The following KCNQ5 variants were observed in gnomAD, a reference collection of about 807,000 sequenced individuals.
The protein encoded by KCNQ5 is potassium voltage-gated channel subfamily Q member 5.
Under a neutral mutation model 98.2 loss-of-function variants are expected in KCNQ5, and 30 were observed. The ratio of observed to expected loss-of-function variants is 0.31; its 90% CI spans 0.23 to 0.41. KCNQ5 has a LOEUF of 0.41. Ranked by LOEUF, KCNQ5 falls within the 10% of genes least tolerant of loss-of-function variation. The pLI, the probability that KCNQ5 is intolerant of heterozygous loss-of-function variation, is 1.00. For synonymous variants in KCNQ5, 458 were observed against 449.4 expected, an observed-to-expected ratio of 1.02 and a Z score of -0.24; for missense variants, 835 against 1,182.5, an observed-to-expected ratio of 0.71 and a Z score of 4.31.
intron 1 of KCNQ5, among the ~76,000 whole-genome samples, chr6:72,782,681 T>G (rs1274328068): frequency 6.6e-6 from 1 of 152,146 alleles, no homozygotes; most frequent in Non-Finnish European, 1.5e-5. Flanking sequence ...CCATTTTATT[T>G]TATCATAACA....
chr6:73,192,467 A>G lies in KCNQ5; in HGVS notation c.1710-98A>G, dbSNP rs1765624940. On this transcript the variant is annotated intron_variant, in intron 12 of 13. Coordinates refer to ENST00000370398, the MANE Select transcript of KCNQ5 (RefSeq NM_019842.4). ...TTATTTCATCTTACATAAATTGAAG[A>G]TAACTGTATTTAATTTTTTTTTCCA... 5 of 1,036,546 alleles carry G rather than the reference A, an allele frequency of 4.8e-6. No individual in the cohort carries two copies. The East Asian group carries it at 1.4e-4, about 29-fold the overall frequency. The allele number at this position is 1,036,546 out of a possible 1,614,324, so 64.2% of individuals were successfully genotyped here.
At position 72,683,670 on chromosome 6, in the gene KCNQ5, A is replaced by T. The variant is rs80292900; in HGVS notation, c.398+61083A>T. 2.6e-5 allele frequency among the ~76,000 whole-genome samples: 4 copies of T among 151,522 alleles called. No homozygotes were observed. The East Asian group carries it at 7.8e-4, about 30-fold the overall frequency. ...GCGTGAGCTACTGCGCCTGGCCCAC[A>T]TATACTTTTTCTCTTGCCCAGCTGG... On this transcript the variant is annotated intron_variant, in intron 1 of 13. Transcript: ENST00000370398.
intron 10 of KCNQ5, chr6:73,134,003 C>T (rs1382559895): frequency 2.1e-6 from 1 of 478,776 alleles, no homozygotes. Context: ...GACCCAGGGA[C>T]AACCAGGTGC....
intron 1 of KCNQ5, among the ~76,000 whole-genome samples, chr6:72,956,067 A>G (rs1196783617): frequency 2.0e-5 from 3 of 152,254 alleles, no homozygotes; most frequent in Non-Finnish European, 2.9e-5. Context: ...CTAAAAGGTA[A>G]GAAAAGGGAA....
chr6:72,911,897 A>G (rs12197188), intron 1 of KCNQ5, among the ~76,000 whole-genome samples: 15,784 of 152,150 alleles, frequency 0.1, 1,122 homozygotes, highest in Non-Finnish European at 0.16. Flanking sequence ...CTAAAGTTGC[A>G]TTACCTCTGA....
At chr6:73,069,429 T>C (rs1427000360) in intron 3 of KCNQ5, among the ~76,000 whole-genome samples, 2 of 152,144 alleles carry the variant, frequency 1.3e-5, no homozygotes, top group Non-Finnish European at 2.9e-5. Flanking sequence ...ATTTCTTTCC[T>C]AATTACTACA....
intron 1 of KCNQ5, among the ~76,000 whole-genome samples, chr6:72,713,251 C>T (rs1769463440): frequency 6.6e-6 from 1 of 152,304 alleles, no homozygotes; most frequent in South Asian, 2.1e-4. Flanking sequence ...GCCAAACAGG[C>T]ATTTTGAACT....
chr6:73,029,923 A>AAT (rs1771063557), intron 2 of KCNQ5, among the ~76,000 whole-genome samples: 1 of 151,478 alleles, frequency 6.6e-6, no homozygotes, highest in Non-Finnish European at 1.5e-5. Flanking sequence ...AAAAAAAAAA[A>AAT]AAAGAGTATA....
Position 72,843,826 on chromosome 6 carries a change from G to A in KCNQ5, c.399-160082G>A, listed in dbSNP as rs149367467. Among the ~76,000 whole-genome samples, 1,028 of 152,234 alleles carry A rather than the reference G, an allele frequency of 6.8e-3. 14 individuals carry two copies. The highest frequency in any genetic ancestry group is 0.022 in the African/African-American group (921 of 41,548). ...TGATAGACTGGATAAAGAAAATGTGGCACTTATACACCATGGAATACTATG... is the reference window on the plus strand; with the variant it reads ...TGATAGACTGGATAAAGAAAATGTGACACTTATACACCATGGAATACTATG... On this transcript the variant is annotated intron_variant, in intron 1 of 13. Coordinates refer to ENST00000370398, the MANE Select transcript of KCNQ5 (RefSeq NM_019842.4).
At chr6:72,914,508 A>G (rs1349228604) in intron 1 of KCNQ5, among the ~76,000 whole-genome samples, 2 of 149,226 alleles carry the variant, frequency 1.3e-5, no homozygotes, top group Non-Finnish European at 3.0e-5. Context: ...TTCAGTGCCA[A>G]TAAGGAGGAC....
intron 3 of KCNQ5, among the ~76,000 whole-genome samples, chr6:73,046,017 G>A (rs190949394): frequency 6.6e-6 from 1 of 151,878 alleles, no homozygotes; most frequent in East Asian, 1.9e-4. Context: ...ATCCTACGTG[G>A]ATAAAATAAA....
chr6:72,934,203 C>T (rs958031507), intron 1 of KCNQ5, among the ~76,000 whole-genome samples: 3 of 152,208 alleles, frequency 2.0e-5, no homozygotes, highest in Admixed American at 2.0e-4. Context: ...ATCTGCTGAA[C>T]ATACATCTAG....
chr6:73,169,654 G>C (rs1777931590), intron 10 of KCNQ5, 92 bp from the exon 11 acceptor site: 4 of 864,290 alleles, frequency 4.6e-6, no homozygotes, highest in Non-Finnish European at 7.9e-6. Flanking sequence ...CTTACTCTGT[G>C]AGTATCCCGC....
chr6:73,106,605 C>T (rs1274067123), intron 6 of KCNQ5, among the ~76,000 whole-genome samples: 1 of 152,182 alleles, frequency 6.6e-6, no homozygotes, highest in Non-Finnish European at 1.5e-5. Flanking sequence ...CAAATTTCTA[C>T]TTCCTAGAAG....
intron 2 of KCNQ5, among the ~76,000 whole-genome samples, chr6:73,039,623 CTTG>C (rs1771600764): frequency 6.6e-6 from 1 of 152,004 alleles, no homozygotes; most frequent in South Asian, 2.1e-4. Context: ...TAGAGATTTG[CTTG>C]TTGTCTTTCT....
At chr6:72,881,231 T>C (rs150712049) in intron 1 of KCNQ5, among the ~76,000 whole-genome samples, 1,840 of 152,324 alleles carry the variant, frequency 0.012, 21 homozygotes, top group Non-Finnish European at 0.017. Flanking sequence ...GCCACACAGC[T>C]ATCAGTTGAT....
chr6:73,044,109 T>C (rs758607409), intron 3 of KCNQ5, among the ~76,000 whole-genome samples: 1 of 152,036 alleles, frequency 6.6e-6, no homozygotes, highest in Non-Finnish European at 1.5e-5. Flanking sequence ...TGGAAAGACC[T>C]GTCTCTACAA....
chr6:72,797,323 CA>C (rs1774391484), intron 1 of KCNQ5, among the ~76,000 whole-genome samples: 2 of 151,722 alleles, frequency 1.3e-5, no homozygotes. Flanking sequence ...GGGAACATGG[CA>C]AAAACCCATC....
intron 1 of KCNQ5, among the ~76,000 whole-genome samples, chr6:72,940,346 G>C (rs1241917926): frequency 6.6e-6 from 1 of 152,184 alleles, no homozygotes; most frequent in African/African-American, 2.4e-5. Flanking sequence ...CATTTCAGCA[G>C]GAAACTTTTT....
Sources: gnomAD v4.1 joint callset for allele counts (sites outside exome capture counted in the v4.1 genomes callset) on GRCh38, gnomAD v4.1.1 for gene constraint, MANE v1.5 for transcripts, NCBI Gene and HGNC (gene_info 2026-07-23, HGNC 2026-07-21) for gene names.